Variants in GRIA1 observed in about 807,000 individuals in gnomAD.
The protein encoded by GRIA1 is glutamate receptor 1.
GRIA1 carries 31 observed loss-of-function variants against 99.2 expected under a neutral mutation model. The ratio of observed to expected loss-of-function variants is 0.31; its 90% confidence interval spans 0.23 to 0.42. The LOEUF (loss-of-function observed/expected upper bound fraction) is 0.42, where lower values mean the gene tolerates loss of function less well. Among genes scored for constraint, GRIA1 ranks in the 10% least tolerant of loss-of-function variants. GRIA1 has a pLI of 1.00. For synonymous variants in GRIA1, 438 were observed against 432.4 expected, an observed-to-expected ratio of 1.01 and a Z score of -0.16; for missense variants, 782 against 1,157.5, an observed-to-expected ratio of 0.68 and a Z score of 4.71.
At chr5:153,490,479 G>A, upstream of GRIA1, 1 of 237,848 alleles carries the variant, frequency 4.2e-6, no homozygotes, top group Non-Finnish European at 8.3e-6. Flanking sequence ...GGAACAGGTA[G>A]GGAGGTCGGC....
chr5:153,697,895 T>C, intron 8 of GRIA1, 149 bp from the exon 9 acceptor site: 1 of 510,306 alleles, frequency 2.0e-6, no homozygotes, highest in Non-Finnish European at 3.6e-6. Context: ...TTCTTATTAT[T>C]TCTGTTTACC....
intron 2 of GRIA1, among the ~76,000 whole-genome samples, chr5:153,623,671 A>G (rs1297351240): frequency 1.3e-5 from 2 of 152,214 alleles, no homozygotes; most frequent in African/African-American, 4.8e-5. Context: ...ATTTGTTTGG[A>G]AATAATGGGA....
intron 1 of GRIA1, among the ~76,000 whole-genome samples, chr5:153,492,509 G>A (rs957660630): frequency 6.6e-6 from 1 of 152,124 alleles, no homozygotes; most frequent in Admixed American, 6.6e-5. Flanking sequence ...TCATAATCAA[G>A]AATTTTTTTT....
Position 153,499,355 on chromosome 5 carries a change from C to G in GRIA1, c.220+5290C>G, listed in dbSNP as rs146445799. On this transcript the variant is annotated intron_variant, in intron 2 of 15. Transcript: ENST00000285900. The stretch of plus-strand genomic sequence containing the variant: ...ATATGGCCAGGGGCAGTGGCTCACA[C>G]TTGTAATCCCAGCACTTTGGAAGGC... Among the ~76,000 whole-genome samples, 1,475 of 152,154 alleles carry G rather than the reference C, an allele frequency of 9.7e-3. 28 individuals carry two copies. The highest frequency in any genetic ancestry group is 0.034 in the African/African-American group (1,403 of 41,508).
Position 153,811,251 on chromosome 5 carries a change from G to A in GRIA1, c.*26G>A. 3.2e-6 allele frequency: 5 copies of A among 1,585,948 alleles called. No homozygotes were observed. Among genetic ancestry groups the A allele is most frequent in the Non-Finnish European group, 4.3e-6 (5 of 1,154,910 alleles). Reference sequence around the variant, plus strand: ...CTGGAGCAGATGGAGACCCCTTGGGGAGCAGGCTCGGGCTCCCCAGCCCCA... The same window carrying A: ...CTGGAGCAGATGGAGACCCCTTGGGAAGCAGGCTCGGGCTCCCCAGCCCCA... On this transcript the variant is annotated 3_prime_UTR_variant, in exon 16 of 16. Coordinates refer to ENST00000285900, the MANE Select transcript of GRIA1 (RefSeq NM_000827.4).
At chr5:153,562,359 C>A in intron 2 of GRIA1, among the ~76,000 whole-genome samples, 1 of 151,976 alleles carries the variant, frequency 6.6e-6, no homozygotes, top group Non-Finnish European at 1.5e-5. Context: ...CAAGCCTGAC[C>A]CAACACACTG....
At chr5:153,748,733 G>GTGTT (rs778906257) in intron 11 of GRIA1, among the ~76,000 whole-genome samples, 4 of 152,128 alleles carry the variant, frequency 2.6e-5, no homozygotes, top group East Asian at 1.9e-4. Flanking sequence ...TGACTCCCTG[G>GTGTT]TGTTAGGCTC....
chr5:153,527,506 T>C (rs937582735), intron 2 of GRIA1, among the ~76,000 whole-genome samples: 5 of 152,134 alleles, frequency 3.3e-5, no homozygotes, highest in Admixed American at 3.3e-4. Flanking sequence ...AAAACATTAC[T>C]TTTGGTGTGT....
chr5:153,718,700 C>T (rs532088890), intron 11 of GRIA1, among the ~76,000 whole-genome samples: 1 of 152,182 alleles, frequency 6.6e-6, no homozygotes, highest in Non-Finnish European at 1.5e-5. Flanking sequence ...TTAATCACCT[C>T]ACTTCCTTCC....
chr5:153,679,040 G>A (rs1463694369), intron 7 of GRIA1, among the ~76,000 whole-genome samples: 1 of 152,204 alleles, frequency 6.6e-6, no homozygotes, highest in Non-Finnish European at 1.5e-5. Context: ...CACTGCTTCT[G>A]CCCTCAGTAG....
chr5:153,654,561 G>A (rs1042586025), intron 4 of GRIA1, among the ~76,000 whole-genome samples: 2 of 152,242 alleles, frequency 1.3e-5, no homozygotes, highest in Non-Finnish European at 2.9e-5. Flanking sequence ...TTTGAGCTCC[G>A]TGGTCTGGAA....
At chr5:153,711,980 G>A (rs764732280) in intron 11 of GRIA1, among the ~76,000 whole-genome samples, 16 of 152,150 alleles carry the variant, frequency 1.1e-4, no homozygotes, top group South Asian at 1.0e-3. Flanking sequence ...AGTCTAAGGC[G>A]GGGGGAGTGA....
chr5:153,567,987 G>A (rs960618478), intron 2 of GRIA1, among the ~76,000 whole-genome samples: 1 of 152,182 alleles, frequency 6.6e-6, no homozygotes, highest in African/African-American at 2.4e-5. Context: ...ATAAGCTGTA[G>A]ATTTGGGGTT....
intron 5 of GRIA1, among the ~76,000 whole-genome samples, chr5:153,656,386 T>TATATATA (rs1043886797): frequency 2.0e-5 from 1 of 49,236 alleles, no homozygotes; most frequent in Non-Finnish European, 5.2e-5. Context: ...AGTTTGTTTA[T>TATATATA]ATATATATAT....
chr5:153,502,103 C>G (rs534518632), intron 2 of GRIA1, among the ~76,000 whole-genome samples: 1 of 152,262 alleles, frequency 6.6e-6, no homozygotes, highest in Admixed American at 6.5e-5. Flanking sequence ...CCTTTTTTCT[C>G]TTTCATATTC....
chr5:153,690,446 G>T (rs189926313), intron 8 of GRIA1, among the ~76,000 whole-genome samples: 1 of 152,012 alleles, frequency 6.6e-6, no homozygotes, highest in Non-Finnish European at 1.5e-5. Context: ...TCTCTAAAAG[G>T]GTGGTAATAC....
intron 2 of GRIA1, among the ~76,000 whole-genome samples, chr5:153,613,920 C>T (rs184155307): frequency 1.3e-5 from 2 of 152,266 alleles, no homozygotes; most frequent in East Asian, 1.9e-4. Flanking sequence ...GGACCCTGCC[C>T]GCTGCATCAG....
chr5:153,771,716 AG>A (rs1421003915), intron 13 of GRIA1, among the ~76,000 whole-genome samples: 11 of 152,270 alleles, frequency 7.2e-5, no homozygotes, highest in Non-Finnish European at 1.3e-4. Flanking sequence ...TTTAAGTGCA[AG>A]TTAAGAAATT....
chr5:153,612,482 G>A (rs1384864323), intron 2 of GRIA1, among the ~76,000 whole-genome samples: 2 of 152,226 alleles, frequency 1.3e-5, no homozygotes, highest in African/African-American at 4.8e-5. Context: ...ATACAAGGTG[G>A]ATATTAGAAT....
Sources: gnomAD v4.1 joint callset for allele counts (sites outside exome capture counted in the v4.1 genomes callset) on GRCh38, gnomAD v4.1.1 for gene constraint, MANE v1.5 for transcripts, NCBI Gene and HGNC (gene_info 2026-07-23, HGNC 2026-07-21) for gene names.